Variants in ADAMTS6 observed in about 807,000 individuals in gnomAD.
ADAMTS6 encodes A disintegrin and metalloproteinase with thrombospondin motifs 6.
ADAMTS6 carries 23 observed loss-of-function variants against 144.3 expected under a neutral mutation model. The ratio of observed to expected loss-of-function variants is 0.16; its 90% CI spans 0.11 to 0.23. The LOEUF (loss-of-function observed/expected upper bound fraction) is 0.23, where lower values mean the gene tolerates loss of function less well. Among genes scored for constraint, ADAMTS6 ranks in the 10% least tolerant of loss-of-function variants. The pLI, the probability that ADAMTS6 is intolerant of heterozygous loss-of-function variation, is 1.00. For synonymous variants in ADAMTS6, 444 were observed against 457.5 expected (o/e 0.97, Z 0.38); for missense variants, 999 against 1,379.6 (o/e 0.72, Z 4.37).
intron 7 of ADAMTS6, among the ~76,000 whole-genome samples, chr5:65,425,973 G>A (rs1271750880): frequency 6.6e-6 from 1 of 151,090 alleles, no homozygotes; most frequent in Non-Finnish European, 1.5e-5. Flanking sequence ...CCATGGTCTC[G>A]ATCTCCTGAC....
chr5:65,293,688 T>C (rs540603419), intron 10 of ADAMTS6, among the ~76,000 whole-genome samples: 1 of 152,306 alleles, frequency 6.6e-6, no homozygotes, highest in East Asian at 1.9e-4. Context: ...TGGTTCATGT[T>C]CTTTAAAAAA....
chr5:65,288,035 A>G (rs1741866274), intron 11 of ADAMTS6, among the ~76,000 whole-genome samples: 2 of 152,230 alleles, frequency 1.3e-5, no homozygotes, highest in Admixed American at 6.5e-5. Context: ...CACTTGAAAA[A>G]TAAGAAAAGA....
intron 20 of ADAMTS6, among the ~76,000 whole-genome samples, chr5:65,203,403 A>G (rs1755871694): frequency 6.6e-6 from 1 of 152,128 alleles, no homozygotes; most frequent in Non-Finnish European, 1.5e-5. Context: ...AAAAGAAAGG[A>G]TTAGTTATAT....
At chr5:65,211,858 T>C (rs531624259) in intron 20 of ADAMTS6, among the ~76,000 whole-genome samples, 2 of 152,316 alleles carry the variant, frequency 1.3e-5, no homozygotes, top group Admixed American at 6.5e-5. Flanking sequence ...GAGGCCACCA[T>C]TGGCCTCATT....
At chr5:65,401,182 G>A (rs986460368) in intron 7 of ADAMTS6, among the ~76,000 whole-genome samples, 2 of 152,086 alleles carry the variant, frequency 1.3e-5, no homozygotes, top group African/African-American at 4.8e-5. Flanking sequence ...GATAAGGTGT[G>A]GGGAAAGGGG....
chr5:65,157,566 C>A (rs1752507266), intron 24 of ADAMTS6, among the ~76,000 whole-genome samples: 1 of 152,160 alleles, frequency 6.6e-6, no homozygotes, highest in Non-Finnish European at 1.5e-5. Context: ...TCTGTAAACT[C>A]CTTATGTGGT....
At chr5:65,174,428 G>C (rs1753834601) in intron 22 of ADAMTS6, among the ~76,000 whole-genome samples, 1 of 152,206 alleles carries the variant, frequency 6.6e-6, no homozygotes, top group Non-Finnish European at 1.5e-5. Flanking sequence ...CGGATCCTGA[G>C]AGCACTCCTG....
chr5:65,460,332 C>T lies in ADAMTS6; in HGVS notation c.469G>A (p.Val157Ile), dbSNP rs1372658137. The T allele has an allele frequency of 5.0e-6, 8 of 1,592,968 alleles. No individual in the cohort carries two copies. The highest frequency in any genetic ancestry group is 6.0e-6 in the Non-Finnish European group (7 of 1,171,400). Residue 157 changes from valine (V) to isoleucine (I), a missense_variant, in exon 4 of 25, where the codon GTT becomes ATT. Val to Ile is a conservative substitution (Grantham distance 29, BLOSUM62 3). Around this residue, in one of 3 missense-constraint regions of ADAMTS6, gnomAD observed 252 missense variants for 293.7 expected, o/e 0.86. Transcript: ENST00000381055. ...ALSNCVGLHG[V>I]IATEDEEYFI... is the part of the protein sequence containing the mutation. ...TACTCTTCATCTTCTGTAGCAATAA[C>T]ACCATGCTAAAAGAAAAATAAACAA... is the stretch of plus-strand genomic sequence containing the variant.
chr5:65,177,206 A>G (rs11741552), intron 22 of ADAMTS6, among the ~76,000 whole-genome samples: 26,419 of 152,036 alleles, frequency 0.17, 2,486 homozygotes, highest in African/African-American at 0.24. Context: ...AAGCGCCCCC[A>G]CCTCCAGAGT....
chr5:65,381,653 G>A (rs763261658), intron 7 of ADAMTS6, among the ~76,000 whole-genome samples: 6 of 150,036 alleles, frequency 4.0e-5, no homozygotes, highest in Admixed American at 6.7e-5. Flanking sequence ...CCAAAAGTGC[G>A]GGGATTACAA....
At chr5:65,213,035 A>C (rs1756645124) in intron 20 of ADAMTS6, among the ~76,000 whole-genome samples, 1 of 152,248 alleles carries the variant, frequency 6.6e-6, no homozygotes, top group African/African-American at 2.4e-5. Flanking sequence ...TATAAATGCC[A>C]CTAAAAATAA....
At chr5:65,247,740 G>A (rs1008216322) in intron 14 of ADAMTS6, among the ~76,000 whole-genome samples, 3 of 152,018 alleles carry the variant, frequency 2.0e-5, no homozygotes, top group Non-Finnish European at 4.4e-5. Context: ...TGGCCTCAGG[G>A]AAAATTGCAA....
At chr5:65,266,660 GTTC>G (rs1303675037) in intron 12 of ADAMTS6, among the ~76,000 whole-genome samples, 5 of 151,820 alleles carry the variant, frequency 3.3e-5, no homozygotes, top group African/African-American at 1.2e-4. Flanking sequence ...ACTAATTTTA[GTTC>G]TTGATTCCAA....
chr5:65,403,094 C>T (rs1307154692), intron 7 of ADAMTS6, among the ~76,000 whole-genome samples: 2 of 152,110 alleles, frequency 1.3e-5, no homozygotes, highest in African/African-American at 4.8e-5. Flanking sequence ...TCATTTTACT[C>T]AAACTATCAC....
intron 10 of ADAMTS6, among the ~76,000 whole-genome samples, chr5:65,298,611 G>T (rs1483972905): frequency 6.6e-6 from 1 of 152,062 alleles, no homozygotes; most frequent in Non-Finnish European, 1.5e-5. Flanking sequence ...TACCTTTATA[G>T]CACTTCAATC....
At chr5:65,372,262 A>G (rs1216421271) in intron 7 of ADAMTS6, among the ~76,000 whole-genome samples, 1 of 150,332 alleles carries the variant, frequency 6.7e-6, no homozygotes, top group East Asian at 1.9e-4. Flanking sequence ...AACAATATTA[A>G]CTTTAAATGT....
intron 7 of ADAMTS6, among the ~76,000 whole-genome samples, chr5:65,421,374 A>G (rs1201886007): frequency 1.3e-5 from 2 of 152,160 alleles, no homozygotes; most frequent in Admixed American, 1.3e-4. Flanking sequence ...TACTCTATTT[A>G]ATGAGGCTAA....
Position 65,299,966 on chromosome 5 carries a change from C to A in ADAMTS6, c.1370+19G>T. ...TTACTTCTGGAGCTATTTATCATCA[C>A]TCTCCAGAGATTACTTACTCTAGAA... is the stretch of plus-strand genomic sequence containing the variant. On this transcript the variant is annotated intron_variant, in intron 10 of 24. Transcript: ENST00000381055. The A allele has an allele frequency of 6.2e-7, 1 of 1,607,176 alleles. No homozygotes were observed. Among genetic ancestry groups the A allele is most frequent in the Non-Finnish European group, 8.5e-7 (1 of 1,176,860 alleles).
chr5:65,217,699 AC>A (rs1757029715), intron 18 of ADAMTS6, among the ~76,000 whole-genome samples: 1 of 152,172 alleles, frequency 6.6e-6, no homozygotes, highest in African/African-American at 2.4e-5. Flanking sequence ...CTCTGGATGT[AC>A]CCTTATTTTT....
Sources: gnomAD v4.1 joint callset for allele counts (sites outside exome capture counted in the v4.1 genomes callset) on GRCh38, gnomAD v4.1.1 for gene constraint, gnomAD v4.1.1 regional missense constraint, MANE v1.5 for transcripts, NCBI Gene and HGNC (gene_info 2026-07-23, HGNC 2026-07-21) for gene names.